Variants in SH3GL3 observed in about 807,000 individuals in gnomAD.
The protein encoded by SH3GL3 is endophilin-A3.
In SH3GL3, 33 loss-of-function variants were observed where a neutral mutation model predicts 47.7. That is an observed-to-expected ratio of 0.69 (90% CI 0.52 to 0.92). SH3GL3 has a LOEUF of 0.92. Among genes scored for constraint, SH3GL3 ranks in the 40% least tolerant of loss-of-function variants. SH3GL3 has a pLI of 0.00. For synonymous variants in SH3GL3, 155 were observed against 148.8 expected (o/e 1.04, Z -0.30); for missense variants, 363 against 417.8 (o/e 0.87, Z 1.14).
intron 1 of SH3GL3, among the ~76,000 whole-genome samples, chr15:83,539,548 A>G (rs925720621): frequency 6.6e-6 from 1 of 152,220 alleles, no homozygotes. Context: ...CAAATTGCCT[A>G]TACAAGGCTC....
chr15:83,594,347 A>G (rs2060187338), intron 8 of SH3GL3, among the ~76,000 whole-genome samples: 1 of 152,188 alleles, frequency 6.6e-6, no homozygotes, highest in Non-Finnish European at 1.5e-5. Context: ...GTTTTTTTAA[A>G]TTAATTTTAA....
chr15:83,627,674 C>G, the SH3GL3 span, among the ~76,000 whole-genome samples: 82 of 152,062 alleles, frequency 5.4e-4, no homozygotes, highest in African/African-American at 1.9e-3. Context: ...GGGCCTTGGG[C>G]CTTGATATGT....
intron 1 of SH3GL3, among the ~76,000 whole-genome samples, chr15:83,486,391 ACTC>A (rs1014438132): frequency 1.1e-4 from 16 of 151,994 alleles, no homozygotes; most frequent in African/African-American, 3.6e-4. Flanking sequence ...TTAAGCAGTT[ACTC>A]CTCATTTCCC....
chr15:83,621,933 G>A (rs571451139), downstream of SH3GL3, among the ~76,000 whole-genome samples: 1 of 152,056 alleles, frequency 6.6e-6, no homozygotes, highest in Non-Finnish European at 1.5e-5. Flanking sequence ...CTGATTCCAC[G>A]GTACATCACT....
chr15:83,632,082 T>C, the SH3GL3 span, among the ~76,000 whole-genome samples: 1 of 152,228 alleles, frequency 6.6e-6, no homozygotes, highest in Non-Finnish European at 1.5e-5. Flanking sequence ...CCAGTCTCTT[T>C]GCTAAAGCAT....
chr15:83,494,877 G>T (rs1221745361), intron 1 of SH3GL3, among the ~76,000 whole-genome samples: 5 of 152,038 alleles, frequency 3.3e-5, no homozygotes. Context: ...TTTCCAACCT[G>T]ATTGACAGTT....
chr15:83,563,738 A>G lies in SH3GL3; in HGVS notation c.115-1396A>G, dbSNP rs540012992. ...ACTGCAACCTCCACCTTCCAGGTTC[A>G]AGCGATTCTCCCACCTCAGCCTCCA... On this transcript the variant is annotated intron_variant, in intron 2 of 8. Coordinates refer to ENST00000427482, the MANE Select transcript of SH3GL3 (RefSeq NM_003027.5). Among the ~76,000 whole-genome samples, 15 of 152,208 alleles carry G rather than the reference A, an allele frequency of 9.9e-5. No individual in the cohort carries two copies. The South Asian group carries it at 3.1e-3, about 32-fold the overall frequency.
At chr15:83,525,489 A>G (rs2043382850) in intron 1 of SH3GL3, among the ~76,000 whole-genome samples, 1 of 151,730 alleles carries the variant, frequency 6.6e-6, no homozygotes. Context: ...CATTCTGTTG[A>G]TTGTTTCCTT....
chr15:83,460,399 G>A (rs2040233881), intron 1 of SH3GL3, among the ~76,000 whole-genome samples: 1 of 151,924 alleles, frequency 6.6e-6, no homozygotes. Flanking sequence ...CTATAATGTG[G>A]TATATACTCA....
At chr15:83,476,133 A>G (rs962107558) in intron 1 of SH3GL3, among the ~76,000 whole-genome samples, 4 of 152,172 alleles carry the variant, frequency 2.6e-5, no homozygotes, top group African/African-American at 9.7e-5. Flanking sequence ...AACTAGCAAA[A>G]AGTAGATTAA....
intron 2 of SH3GL3, 124 bp downstream of exon 2, chr15:83,559,445 C>G: frequency 1.5e-6 from 1 of 664,550 alleles, no homozygotes; most frequent in Non-Finnish European, 2.7e-6. Flanking sequence ...GTGGATTATG[C>G]AATCTACAAG....
chr15:83,610,438 T>G lies in SH3GL3; in HGVS notation c.839-7644T>G, dbSNP rs201336948. ...GTCCCAGGTACTCAGGAGGCTAAGGTGGAAGGATTGCTTGAGCCCAGGAGG... is the reference window on the plus strand; with the variant it reads ...GTCCCAGGTACTCAGGAGGCTAAGGGGGAAGGATTGCTTGAGCCCAGGAGG... On this transcript the variant is annotated intron_variant, in intron 8 of 8. Coordinates refer to ENST00000427482, the MANE Select transcript of SH3GL3 (RefSeq NM_003027.5). 7.3e-5 allele frequency among the ~76,000 whole-genome samples: 11 copies of G among 151,424 alleles called. No homozygotes were observed. In the East Asian group the frequency reaches 1.9e-3, roughly 27 times the overall value.
intron 8 of SH3GL3, among the ~76,000 whole-genome samples, chr15:83,609,928 G>A (rs904874700): frequency 2.6e-5 from 4 of 152,236 alleles, no homozygotes; most frequent in African/African-American, 9.6e-5. Flanking sequence ...CTCTACTCTG[G>A]TGTCTAATCC....
At chr15:83,480,218 A>G (rs1156606365) in intron 1 of SH3GL3, among the ~76,000 whole-genome samples, 1 of 152,192 alleles carries the variant, frequency 6.6e-6, no homozygotes, top group Non-Finnish European at 1.5e-5. Context: ...TCACCCTTCA[A>G]TTATTACTTT....
intron 1 of SH3GL3, among the ~76,000 whole-genome samples, chr15:83,538,454 G>T (rs1567315752): frequency 6.6e-6 from 1 of 152,180 alleles, no homozygotes; most frequent in Non-Finnish European, 1.5e-5. Context: ...ACATTCATGT[G>T]ATCAGTTCAA....
Position 83,448,588 on chromosome 15 carries a change from G to T in SH3GL3, c.45+1010G>T. Among the ~76,000 whole-genome samples, 1 of 151,972 alleles carries T rather than the reference G, an allele frequency of 6.6e-6. No homozygotes were observed. Among genetic ancestry groups the T allele is most frequent in the East Asian group, 1.9e-4 (1 of 5,172 alleles). On this transcript the variant is annotated intron_variant, in intron 1 of 8. Transcript: ENST00000427482. The surrounding 1 kb of genome is among the most constrained non-coding windows in gnomAD (Gnocchi z 4.2). The stretch of plus-strand genomic sequence containing the variant: ...CCCCACCAGCACCGCTGGGTCTGTT[G>T]CTTCTCACCACCTCTCCCCGCAACC...
intron 7 of SH3GL3, among the ~76,000 whole-genome samples, chr15:83,588,247 A>G (rs1269700022): frequency 6.6e-6 from 1 of 152,028 alleles, no homozygotes; most frequent in Non-Finnish European, 1.5e-5. Flanking sequence ...TCTCCTGCCT[A>G]AGCCTCCCGA....
Position 83,618,371 on chromosome 15 carries a change from C to T in SH3GL3, c.*84C>T. 1 of 840,310 alleles carries T rather than the reference C, an allele frequency of 1.2e-6. No homozygotes were observed. The highest frequency in any genetic ancestry group is 1.4e-5 in the South Asian group (1 of 69,480). 52.1% of individuals were successfully genotyped at this position (840,310 alleles called of 1,614,324 possible). A position where few individuals can be genotyped will look rare whatever the true frequency, so the allele number is the denominator to read the frequency against. The stretch of plus-strand genomic sequence containing the variant: ...CTCTCAGTGCGGTGTTCTGTGACAT[C>T]CTTTGCTCTCTGACCAACTTAATGA... On this transcript the variant is annotated 3_prime_UTR_variant, in exon 9 of 9. Transcript: ENST00000427482.
At chr15:83,461,073 A>ACTCC (rs2040273584) in intron 1 of SH3GL3, among the ~76,000 whole-genome samples, 1 of 151,036 alleles carries the variant, frequency 6.6e-6, no homozygotes. Context: ...ACAGAGCGAG[A>ACTCC]CTCCATCTCA....
Sources: gnomAD v4.1 joint callset for allele counts (sites outside exome capture counted in the v4.1 genomes callset) on GRCh38, gnomAD v4.1.1 for gene constraint, Gnocchi (gnomAD v3.1) non-coding constraint, MANE v1.5 for transcripts, NCBI Gene and HGNC (gene_info 2026-07-23, HGNC 2026-07-21) for gene names.